MADD: variants seen among roughly 807,000 people sequenced by gnomAD.
MADD encodes MAP kinase activating death domain, also known as MAP kinase-activating death domain protein.
Under a neutral mutation model 176.7 loss-of-function variants are expected in MADD, and 109 were observed. The observed-to-expected ratio is 0.62, with a 90% CI of 0.53 to 0.72. The LOEUF (loss-of-function observed/expected upper bound fraction) is 0.72, where lower values mean the gene tolerates loss of function less well. Among genes scored for constraint, MADD ranks in the 30% least tolerant of loss-of-function variants. The probability of loss-of-function intolerance (pLI) is 0.00; values close to 1 mark genes in which losing one functional copy is unlikely to be tolerated. For missense variants in MADD, 1,914 were observed against 2,045.5 expected (o/e 0.94, Z 1.24); for synonymous variants, 771 against 771.3 (o/e 1.00, Z 0.01).
At chr11:47,313,302 TTTTC>T (rs1356428998) in intron 26 of MADD, among the ~76,000 whole-genome samples, 1 of 152,128 alleles carries the variant, frequency 6.6e-6, no homozygotes, top group Non-Finnish European at 1.5e-5. Context: ...TGAAACACTA[TTTTC>T]TTTCTTTTTT....
chr11:47,289,528 G>A, intron 16 of MADD, 35 bp downstream of exon 17: 1 of 1,569,476 alleles, frequency 6.4e-7, no homozygotes, highest in Non-Finnish European at 8.8e-7. Flanking sequence ...AAAGTTCTCA[G>A]GCAGAGGTGG....
At chr11:47,303,285 A>AG (rs1373259717) in intron 22 of MADD, among the ~76,000 whole-genome samples, 1 of 125,106 alleles carries the variant, frequency 8.0e-6, no homozygotes, top group Non-Finnish European at 1.6e-5. Context: ...TCTGTCACCC[A>AG]GGCTGGAGTA....
chr11:47,278,344 A>G, intron 6 of MADD, 66 bp downstream of exon 6: 1 of 1,170,170 alleles, frequency 8.5e-7, no homozygotes, highest in African/African-American at 1.5e-5. Context: ...CAGTCCTGAG[A>G]TATCTGTTTC....
intron 22 of MADD, among the ~76,000 whole-genome samples, chr11:47,299,453 C>T (rs2075810428): frequency 6.6e-6 from 1 of 151,600 alleles, no homozygotes; most frequent in Non-Finnish European, 1.5e-5. Flanking sequence ...ATGAGATTGC[C>T]TTCTTGATTT....
intron 24 of MADD, 28 bp from the exon 28 acceptor site, chr11:47,309,479 G>C (rs1281526330): frequency 6.2e-7 from 1 of 1,613,926 alleles, no homozygotes; most frequent in East Asian, 2.2e-5. Flanking sequence ...CCACTTGAGG[G>C]CTGACTTGTG....
At chr11:47,315,923 C>G (rs1419610993) in intron 27 of MADD, among the ~76,000 whole-genome samples, 1 of 151,426 alleles carries the variant, frequency 6.6e-6, no homozygotes, top group African/African-American at 2.4e-5. Context: ...CCTCCACCTC[C>G]CAGGTTCAAG....
At chr11:47,312,057 A>G (rs563723532) in intron 26 of MADD, among the ~76,000 whole-genome samples, 6 of 152,226 alleles carry the variant, frequency 3.9e-5, no homozygotes, top group Non-Finnish European at 8.8e-5. Context: ...AGGGTTCAGA[A>G]GGTGAAAACG....
chr11:47,322,822 T>C (rs1033264393), intron 27 of MADD, among the ~76,000 whole-genome samples: 1 of 152,230 alleles, frequency 6.6e-6, no homozygotes, highest in Non-Finnish European at 1.5e-5. Context: ...ATTTTTCTCC[T>C]TGGTTAAGTC....
At chr11:47,280,552 A>T (rs553298048) in intron 7 of MADD, among the ~76,000 whole-genome samples, 7 of 152,052 alleles carry the variant, frequency 4.6e-5, no homozygotes, top group South Asian at 4.2e-4. Context: ...ATATTTAATT[A>T]AATTAATTAA....
At chr11:47,289,881 T>G (rs1193389955) in exon 17 of MADD, 1 of 1,613,564 alleles carries the variant, frequency 6.2e-7, no homozygotes, top group Non-Finnish European at 8.5e-7. Context: ...AACCAGCAGT[T>G]CCTGAAGGAG....
Position 47,284,388 on chromosome 11 carries a change from GAC to G in MADD, c.1984_1985del (p.His662CysfsTer12). 6.2e-7 allele frequency: 1 copy of G among 1,614,174 alleles called. No individual in the cohort carries two copies. The highest frequency in any genetic ancestry group is 8.5e-7 in the Non-Finnish European group (1 of 1,180,036). ...GGATTTTGGCAGATGTGGACCCTCT[GAC>G]ACATGCAGCACTGGGGGATGCCAGC... On this transcript the variant is annotated frameshift_variant, in exon 12 of 33. Transcript: ENST00000402192. LOFTEE classifies it high-confidence loss of function.
chr11:47,314,255 A>G (rs2091805846), intron 26 of MADD, among the ~76,000 whole-genome samples: 1 of 145,688 alleles, frequency 6.9e-6, no homozygotes, highest in African/African-American at 2.5e-5. Flanking sequence ...AAGTGTATGG[A>G]GAATAGGGTC....
chr11:47,308,492 A>G (rs1181329515), intron 22 of MADD, 99 bp from the exon 25 acceptor site: 3 of 752,798 alleles, frequency 4.0e-6, no homozygotes, highest in African/African-American at 1.7e-5. Flanking sequence ...TTGCTAATGG[A>G]TGGTGACTGG....
intron 12 of MADD, 110 bp from the exon 13 acceptor site, chr11:47,284,831 A>C (rs1478714409): frequency 6.8e-7 from 1 of 1,466,998 alleles, no homozygotes; most frequent in Non-Finnish European, 9.2e-7. Context: ...TTTCCCACAC[A>C]TTCCTTAGGC....
At chr11:47,288,593 C>T (rs532894061) in intron 15 of MADD, among the ~76,000 whole-genome samples, 1 of 152,188 alleles carries the variant, frequency 6.6e-6, no homozygotes, top group African/African-American at 2.4e-5. Flanking sequence ...TACCCTGACC[C>T]CACTCCCCAC....
exon 19 of MADD, chr11:47,290,762 C>G (rs780185442): frequency 6.2e-7 from 1 of 1,613,966 alleles, no homozygotes; most frequent in East Asian, 2.2e-5. Context: ...AGGAAAGGGT[C>G]CTAAGGAACT....
exon 33 of MADD, chr11:47,329,232 CTG>C (rs2142755424): frequency 9.6e-7 from 1 of 1,046,590 alleles, no homozygotes; most frequent in Admixed American, 1.7e-5. Flanking sequence ...GCTGCTGTGA[CTG>C]AGGAGTGGAT....
intron 22 of MADD, among the ~76,000 whole-genome samples, chr11:47,305,011 C>G (rs1040462151): frequency 1.1e-4 from 17 of 152,182 alleles, no homozygotes; most frequent in African/African-American, 4.1e-4. Flanking sequence ...CAGCTGCATT[C>G]AACATGAGCA....
intron 26 of MADD, among the ~76,000 whole-genome samples, chr11:47,313,821 G>A (rs575598351): frequency 4.0e-5 from 6 of 151,774 alleles, no homozygotes; most frequent in African/African-American, 1.2e-4. Flanking sequence ...GTGCAGCGGC[G>A]CGATCTCGGC....
Sources: allele counts gnomAD v4.1 joint callset (sites outside exome capture counted in the v4.1 genomes callset), GRCh38; gene constraint gnomAD v4.1.1; transcripts MANE v1.5; gene names NCBI Gene and HGNC (gene_info 2026-07-23, HGNC 2026-07-21).